Variants in FGD4 observed in about 807,000 individuals in gnomAD.
The protein encoded by FGD4 is FYVE, RhoGEF and PH domain-containing protein 4.
FGD4 carries 42 observed loss-of-function variants against 102.0 expected under a neutral mutation model. The ratio of observed to expected loss-of-function variants is 0.41; its 90% CI spans 0.32 to 0.53. The LOEUF (loss-of-function observed/expected upper bound fraction) is 0.53. Among genes scored for constraint, FGD4 ranks in the 20% least tolerant of loss-of-function variants. The pLI, the probability that FGD4 is intolerant of heterozygous loss-of-function variation, is 0.21. For missense variants in FGD4, 902 were observed against 1,078.2 expected (o/e 0.84, Z 2.29); for synonymous variants, 380 against 375.7 (o/e 1.01, Z -0.13).
At chr12:32,429,030 A>G (rs1250953325) in intron 1 of FGD4, among the ~76,000 whole-genome samples, 1 of 152,150 alleles carries the variant, frequency 6.6e-6, no homozygotes, top group Non-Finnish European at 1.5e-5. Context: ...ACTTCTGTCA[A>G]TTCATCACAC....
At chr12:32,573,238 A>T (rs544413041) in intron 2 of FGD4, among the ~76,000 whole-genome samples, 1 of 152,026 alleles carries the variant, frequency 6.6e-6, no homozygotes, top group South Asian at 2.1e-4. Flanking sequence ...TGGGACTACA[A>T]GCGCCCGCCA....
intron 1 of FGD4, among the ~76,000 whole-genome samples, chr12:32,450,033 A>G (rs1417958342): frequency 6.6e-6 from 1 of 151,956 alleles, no homozygotes; most frequent in East Asian, 1.9e-4. Context: ...CCCTGGTTCA[A>G]GCGATTCTTT....
chr12:32,585,513 A>G (rs896595664), intron 4 of FGD4, among the ~76,000 whole-genome samples: 1 of 151,864 alleles, frequency 6.6e-6, no homozygotes, highest in African/African-American at 2.4e-5. Flanking sequence ...ACAAATTGAC[A>G]TAATATGATA....
In FGD4 at chr12:32,576,339, A is replaced by C. The variant is rs770713248; in HGVS notation, c.393A>C (p.Leu131Phe). The change falls in exon 3 of 17, where the codon TTA becomes TTC. Residue 131 changes from leucine to phenylalanine, a missense_variant. Physicochemically the swap from Leu to Phe is conservative, Grantham distance 22. This residue lies in a region of FGD4 where 443 missense variants were observed against 459.2 expected (regional missense o/e 0.96). Transcript: ENST00000534526. ...NIHQTPRHKA[L>F]PSAKPRMEEI... ...ACCAAACCCCCAGGCATAAAGCTTTACCTAGTGCAAAACCAAGGATGGAGG... is the reference window on the plus strand; with the variant it reads ...ACCAAACCCCCAGGCATAAAGCTTTCCCTAGTGCAAAACCAAGGATGGAGG... The C allele has an allele frequency of 3.7e-6, 6 of 1,614,116 alleles. No individual in the cohort carries two copies. The highest frequency in any genetic ancestry group is 5.1e-6 in the Non-Finnish European group (6 of 1,180,006).
At chr12:32,501,957 C>A in intron 1 of FGD4, 1 of 875,208 alleles carries the variant, frequency 1.1e-6, no homozygotes, top group Non-Finnish European at 1.4e-6. Context: ...GCTGCACTGG[C>A]TTGTTTAAAT....
intron 1 of FGD4, among the ~76,000 whole-genome samples, 156 bp downstream of exon 1, chr12:32,400,115 C>G (rs891813485): frequency 2.3e-4 from 35 of 152,238 alleles, no homozygotes; most frequent in Admixed American, 4.6e-4. Context: ...GCCACCCACT[C>G]CCTTAGCTAT....
intron 1 of FGD4, among the ~76,000 whole-genome samples, chr12:32,488,481 T>A (rs1358660285): frequency 6.6e-6 from 1 of 152,134 alleles, no homozygotes; most frequent in African/African-American, 2.4e-5. Flanking sequence ...TGGGATTTTT[T>A]TTTTTGAATT....
rs1441941954 is a variant in FGD4 at position 32,565,627 on chromosome 12, A to G, written c.319+1338A>G. ...CTTTATTTTTGGAAGATGCAGTGCA[A>G]TACTTCGTTGTTTTCCAACGTCAGT... On this transcript the variant is annotated intron_variant, in intron 2 of 16. Transcript: ENST00000534526. Among the ~76,000 whole-genome samples, 4 of 152,196 alleles carry G rather than the reference A, an allele frequency of 2.6e-5. No homozygotes were observed. The East Asian group carries it at 7.7e-4, about 29-fold the overall frequency.
At chr12:32,589,475 A>C (rs776626739) in intron 4 of FGD4, among the ~76,000 whole-genome samples, 1 of 152,250 alleles carries the variant, frequency 6.6e-6, no homozygotes, top group African/African-American at 2.4e-5. Flanking sequence ...TAAAGCGTTT[A>C]TAAATGACTG....
chr12:32,543,934 A>G (rs1943041798), intron 1 of FGD4, among the ~76,000 whole-genome samples: 1 of 152,124 alleles, frequency 6.6e-6, no homozygotes, highest in Non-Finnish European at 1.5e-5. Context: ...GCCGGAAATT[A>G]CAAGAGATTT....
At chr12:32,633,810 A>G (rs555167739) in intron 15 of FGD4, 121 bp downstream of exon 15, 47 of 905,158 alleles carry the variant, frequency 5.2e-5, no homozygotes, top group South Asian at 4.7e-4. Context: ...CAGCCTCCCA[A>G]GTTGCTGGAA....
chr12:32,591,149 G>C (rs569691499), intron 4 of FGD4, among the ~76,000 whole-genome samples: 1 of 151,778 alleles, frequency 6.6e-6, no homozygotes, highest in Non-Finnish European at 1.5e-5. Flanking sequence ...CTGTACAAAG[G>C]GTACCCACTC....
intron 1 of FGD4, among the ~76,000 whole-genome samples, chr12:32,443,891 A>G (rs1403968051): frequency 6.6e-6 from 1 of 152,130 alleles, no homozygotes; most frequent in Non-Finnish European, 1.5e-5. Flanking sequence ...GCCTAAAACC[A>G]AACTCAAGCA....
chr12:32,580,049 A>G (rs7977053), intron 3 of FGD4, among the ~76,000 whole-genome samples: 73,974 of 151,902 alleles, frequency 0.49, 20,036 homozygotes, highest in African/African-American at 0.73. Context: ...AAGATAATCA[A>G]CCCTAGACTT....
intron 1 of FGD4, among the ~76,000 whole-genome samples, chr12:32,529,274 G>A (rs1202441177): frequency 1.3e-5 from 2 of 151,702 alleles, no homozygotes; most frequent in Non-Finnish European, 2.9e-5. Flanking sequence ...ACCACCACGC[G>A]CACCACCACG....
intron 1 of FGD4, among the ~76,000 whole-genome samples, chr12:32,443,846 C>T (rs1942527700): frequency 6.7e-6 from 1 of 150,148 alleles, no homozygotes; most frequent in Non-Finnish European, 1.5e-5. Flanking sequence ...TTTATTATGA[C>T]AATTTTGAAG....
At chr12:32,573,392 G>A (rs4525322) in intron 2 of FGD4, among the ~76,000 whole-genome samples, 13,567 of 152,242 alleles carry the variant, frequency 0.089, 780 homozygotes, top group Middle Eastern at 0.19. Context: ...GCCGCCCCTG[G>A]CCTGGTATTG....
At chr12:32,511,553 C>T (rs981182200) in intron 1 of FGD4, among the ~76,000 whole-genome samples, 4 of 152,088 alleles carry the variant, frequency 2.6e-5, no homozygotes, top group African/African-American at 7.2e-5. Flanking sequence ...CCGCCCGCCT[C>T]GGCCTCCCAA....
At chr12:32,499,029 G>C (rs1938000593) in intron 1 of FGD4, among the ~76,000 whole-genome samples, 1 of 152,170 alleles carries the variant, frequency 6.6e-6, no homozygotes, top group Non-Finnish European at 1.5e-5. Context: ...TGACTGCCTG[G>C]GTAAAACCTC....
Sources: gnomAD v4.1 joint callset for allele counts (sites outside exome capture counted in the v4.1 genomes callset) on GRCh38, gnomAD v4.1.1 for gene constraint, gnomAD v4.1.1 regional missense constraint, MANE v1.5 for transcripts, NCBI Gene and HGNC (gene_info 2026-07-23, HGNC 2026-07-21) for gene names.